Variants in APCDD1L observed in about 807,000 individuals in gnomAD.
The protein encoded by APCDD1L is protein APCDD1-like.
In APCDD1L, 21 loss-of-function variants were observed where a neutral mutation model predicts 24.2. That is an observed-to-expected ratio of 0.87 (90% CI 0.61 to 1.25). APCDD1L has a LOEUF of 1.25. Ranked by LOEUF, APCDD1L falls within the 50% of genes most tolerant of loss-of-function variation. APCDD1L has a pLI of 0.00. For missense variants in APCDD1L, 704 were observed against 711.7 expected (o/e 0.99, Z 0.12); for synonymous variants, 321 against 323.6 (o/e 0.99, Z 0.09).
intron 1 of APCDD1L, among the ~76,000 whole-genome samples, chr20:58,473,075 G>A (rs931957521): frequency 9.9e-5 from 15 of 152,178 alleles, no homozygotes; most frequent in Non-Finnish European, 4.4e-5. Flanking sequence ...AAAACAGAGC[G>A]AGGAAAAGGA....
intron 1 of APCDD1L, among the ~76,000 whole-genome samples, chr20:58,481,041 A>G (rs1990015831): frequency 6.6e-6 from 1 of 152,214 alleles, no homozygotes; most frequent in Non-Finnish European, 1.5e-5. Flanking sequence ...AAACTTGGCC[A>G]ATGCTGTCCA....
chr20:58,460,885 A>G lies in APCDD1L; in HGVS notation c.1411T>C (p.Ser471Pro). 2 of 1,600,408 alleles carry G rather than the reference A, an allele frequency of 1.2e-6. No homozygotes were observed. Among genetic ancestry groups the G allele is most frequent in the South Asian group, 1.1e-5 (1 of 89,584 alleles). The change falls in exon 4 of 4, where the codon TCG becomes CCG. Residue 471 changes from serine (S) to proline (P), a missense_variant. Coordinates refer to ENST00000371149, the MANE Select transcript of APCDD1L (RefSeq NM_153360.3). This position sits in a 1 kb window ranked among gnomAD's most constrained non-coding sequence, Gnocchi z 4.2. ...DFSRPPQHRPSLQKHPSTGGL... is the reference protein window; with the variant it reads ...DFSRPPQHRPPLQKHPSTGGL... ...CCTGTGCTGGGGTGCTTCTGCAGCG[A>G]TGGCCTGTGCTGCGGTGGCCTGGAG... is the stretch of plus-strand genomic sequence containing the variant.
At chr20:58,478,763 G>A (rs951286605) in intron 1 of APCDD1L, among the ~76,000 whole-genome samples, 4 of 152,070 alleles carry the variant, frequency 2.6e-5, no homozygotes, top group African/African-American at 7.2e-5. Context: ...GCTTGAAGCA[G>A]GAGAGGAGAA....
At chr20:58,485,275 A>G (rs1990100469) in intron 1 of APCDD1L, among the ~76,000 whole-genome samples, 1 of 152,258 alleles carries the variant, frequency 6.6e-6, no homozygotes, top group Non-Finnish European at 1.5e-5. Flanking sequence ...ATATGCATTA[A>G]TATGTCAATA....
chr20:58,501,903 C>T (rs191613462), intron 1 of APCDD1L, among the ~76,000 whole-genome samples: 2 of 152,214 alleles, frequency 1.3e-5, no homozygotes, highest in South Asian at 2.1e-4. Context: ...TCCTGACTTT[C>T]CTTCAGTTGG....
At position 58,508,827 on chromosome 20, in the gene APCDD1L, G is replaced by C. The variant is rs1990570864; in HGVS notation, c.49+5832C>G. Among the ~76,000 whole-genome samples, 1 of 152,222 alleles carries C rather than the reference G, an allele frequency of 6.6e-6. No homozygotes were observed. The highest frequency in any genetic ancestry group is 2.1e-4 in the South Asian group (1 of 4,828). The stretch of plus-strand genomic sequence containing the variant: ...GGAACAGACTGTAAACAGGGAAACA[G>C]GTAATGATAGGCCACGGTGTATGGA... On this transcript the variant is annotated intron_variant, in intron 1 of 3. Coordinates refer to ENST00000371149, the MANE Select transcript of APCDD1L (RefSeq NM_153360.3). The surrounding 1 kb of genome is among the most constrained non-coding windows in gnomAD (Gnocchi z 4.0).
intron 1 of APCDD1L, among the ~76,000 whole-genome samples, chr20:58,500,895 C>G (rs749672944): frequency 1.3e-5 from 2 of 152,304 alleles, no homozygotes; most frequent in African/African-American, 4.8e-5. Context: ...CTTCCCCCAG[C>G]CCTCCCACTC....
intron 2 of APCDD1L, among the ~76,000 whole-genome samples, chr20:58,469,127 T>C (rs1374395274): frequency 1.3e-5 from 2 of 152,216 alleles, no homozygotes; most frequent in Admixed American, 6.5e-5. Context: ...CTTTAATTTA[T>C]GACAAGTGGC....
At chr20:58,495,807 C>T (rs986329829) in intron 1 of APCDD1L, among the ~76,000 whole-genome samples, 32 of 152,174 alleles carry the variant, frequency 2.1e-4, no homozygotes, top group African/African-American at 6.3e-4. Flanking sequence ...TGCCACACTG[C>T]GCCCGGCACC....
chr20:58,507,148 C>T (rs540259930), intron 1 of APCDD1L, among the ~76,000 whole-genome samples: 15 of 152,294 alleles, frequency 9.8e-5, no homozygotes, highest in Admixed American at 2.6e-4. Flanking sequence ...ATAAGTCTCA[C>T]GAGATCTGAT....
chr20:58,514,672 C>G lies in APCDD1L; in HGVS notation c.36G>C (p.Leu12=), dbSNP rs775579616. The change falls in exon 1 of 4, where the codon CTG becomes CTC. Residue 12 remains leucine (L), a synonymous_variant. Transcript: ENST00000371149. ...PAAMLPYACV[L]VLLGAHTAPA... ...GGTGGCACCTACCTCCCAAAAGCACCAGGACGCAAGCGTAGGGGAGCATGG... is the reference window on the plus strand; with the variant it reads ...GGTGGCACCTACCTCCCAAAAGCACGAGGACGCAAGCGTAGGGGAGCATGG... 2 of 1,314,594 alleles carry G rather than the reference C, an allele frequency of 1.5e-6. No individual in the cohort carries two copies. The highest frequency in any genetic ancestry group is 5.6e-5 in the East Asian group (2 of 35,668). The allele number at this position is 1,314,594 out of a possible 1,614,324, so 81.4% of individuals were successfully genotyped here. A position where few individuals can be genotyped will look rare whatever the true frequency, so the allele number is the denominator to read the frequency against.
At chr20:58,478,613 T>C (rs1186434235) in intron 1 of APCDD1L, among the ~76,000 whole-genome samples, 1 of 152,150 alleles carries the variant, frequency 6.6e-6, no homozygotes, top group Admixed American at 6.5e-5. Context: ...AATGCCTTCA[T>C]AGACTAAGTG....
At chr20:58,506,093 G>T (rs1990524068) in intron 1 of APCDD1L, among the ~76,000 whole-genome samples, 1 of 151,774 alleles carries the variant, frequency 6.6e-6, no homozygotes, top group African/African-American at 2.4e-5. Context: ...GACAGCCCCA[G>T]GAAACAAACA....
chr20:58,486,858 T>TTTTTTTTC (rs1200789902), intron 1 of APCDD1L, among the ~76,000 whole-genome samples: 1 of 120,506 alleles, frequency 8.3e-6, no homozygotes, highest in African/African-American at 3.1e-5. Flanking sequence ...GGGAAGGTTT[T>TTTTTTTTC]TTTTTTTTTT....
intron 1 of APCDD1L, among the ~76,000 whole-genome samples, chr20:58,513,300 C>A (rs1990666898): frequency 6.6e-6 from 1 of 152,192 alleles, no homozygotes; most frequent in African/African-American, 2.4e-5. Context: ...TTCGAAAGAA[C>A]CAGCAGGGGT....
chr20:58,486,853 G>GGTTT (rs1990125840), intron 1 of APCDD1L, among the ~76,000 whole-genome samples: 1 of 89,044 alleles, frequency 1.1e-5, no homozygotes, highest in African/African-American at 4.5e-5. Flanking sequence ...CTGGAGGGAA[G>GGTTT]GTTTTTTTTT....
chr20:58,495,518 C>T (rs1319476319), intron 1 of APCDD1L, among the ~76,000 whole-genome samples: 6 of 152,208 alleles, frequency 3.9e-5, no homozygotes, highest in Admixed American at 3.3e-4. Flanking sequence ...CTCTTCAACC[C>T]CCCTGTGCCC....
chr20:58,480,124 C>T (rs924910716), intron 1 of APCDD1L, among the ~76,000 whole-genome samples: 3 of 152,176 alleles, frequency 2.0e-5, no homozygotes, highest in Admixed American at 2.0e-4. Context: ...CCACCTAATC[C>T]GAGAATCTTC....
intron 1 of APCDD1L, among the ~76,000 whole-genome samples, chr20:58,487,736 C>T (rs955872373): frequency 1.3e-5 from 2 of 152,132 alleles, no homozygotes; most frequent in African/African-American, 4.8e-5. Flanking sequence ...GGTCACTCCA[C>T]AAAAGGTCCA....
Sources: gnomAD v4.1 joint callset for allele counts (sites outside exome capture counted in the v4.1 genomes callset) on GRCh38, gnomAD v4.1.1 for gene constraint, Gnocchi (gnomAD v3.1) non-coding constraint, MANE v1.5 for transcripts, NCBI Gene and HGNC (gene_info 2026-07-23, HGNC 2026-07-21) for gene names.